Variants in VWA8 observed in about 807,000 individuals in gnomAD.
The protein encoded by VWA8 is von Willebrand factor A domain containing 8.
In VWA8, 221 loss-of-function variants were observed where a neutral mutation model predicts 241.5. That is an observed-to-expected ratio of 0.91 (90% CI 0.82 to 1.02). VWA8 has a LOEUF of 1.02. Among genes scored for constraint, VWA8 ranks in the 50% least tolerant of loss-of-function variants. The probability of loss-of-function intolerance (pLI) is 0.00; values close to 1 mark genes in which losing one functional copy is unlikely to be tolerated. For synonymous variants in VWA8, 852 were observed against 827.1 expected, an observed-to-expected ratio of 1.03 and a Z score of -0.52; for missense variants, 2,322 against 2,328.7, an observed-to-expected ratio of 1.00 and a Z score of 0.06.
chr13:41,683,061 T>C (rs888021672), intron 35 of VWA8, among the ~76,000 whole-genome samples: 6 of 152,118 alleles, frequency 3.9e-5, no homozygotes, highest in Admixed American at 2.0e-4. Context: ...TTTCATCATA[T>C]GATGCAAAAA....
rs187843680 is a variant in VWA8 at position 41,713,996 on chromosome 13, A to G, written c.3116+5595T>C. 2.9e-3 allele frequency among the ~76,000 whole-genome samples: 446 copies of G among 152,194 alleles called. 1 individual carries two copies. The highest frequency in any genetic ancestry group is 4.9e-3 in the Non-Finnish European group (334 of 67,918). On this transcript the variant is annotated intron_variant, in intron 26 of 44. Transcript: ENST00000379310. ...GACTCAAGAAAATAAAAATAATTAGAAAGAAATATTTTTCAGTGCATGAAA... is the reference window on the plus strand; with the variant it reads ...GACTCAAGAAAATAAAAATAATTAGGAAGAAATATTTTTCAGTGCATGAAA...
At chr13:41,893,380 G>T (rs1184228059) in intron 4 of VWA8, among the ~76,000 whole-genome samples, 1 of 150,186 alleles carries the variant, frequency 6.7e-6, no homozygotes, top group Non-Finnish European at 1.5e-5. Flanking sequence ...ATCATTTCAT[G>T]AATAATCCCT....
intron 9 of VWA8, among the ~76,000 whole-genome samples, chr13:41,876,368 A>G (rs1208810320): frequency 6.6e-6 from 1 of 151,936 alleles, no homozygotes; most frequent in African/African-American, 2.4e-5. Flanking sequence ...TTTCTCTCCT[A>G]ATCACCTCTC....
intron 42 of VWA8, among the ~76,000 whole-genome samples, chr13:41,583,588 A>G (rs1406035613): frequency 6.7e-6 from 1 of 149,118 alleles, no homozygotes; most frequent in Non-Finnish European, 1.5e-5. Flanking sequence ...GGCTGCAGTG[A>G]GCCGAGATCA....
At chr13:41,947,561 C>G (rs1407847824) in intron 2 of VWA8, among the ~76,000 whole-genome samples, 2 of 152,152 alleles carry the variant, frequency 1.3e-5, no homozygotes, top group African/African-American at 2.4e-5. Flanking sequence ...CAAACAATAA[C>G]AAGTGTTAGT....
At chr13:41,692,067 T>A (rs1198565013) in intron 30 of VWA8, 129 bp from the exon 31 acceptor site, 1 of 610,508 alleles carries the variant, frequency 1.6e-6, no homozygotes, top group Non-Finnish European at 2.9e-6. Flanking sequence ...AAACAAGCTA[T>A]CTATTTATCT....
At chr13:41,627,560 G>A (rs1343888610) in intron 37 of VWA8, among the ~76,000 whole-genome samples, 1 of 152,198 alleles carries the variant, frequency 6.6e-6, no homozygotes, top group Non-Finnish European at 1.5e-5. Flanking sequence ...GAGAAAGACT[G>A]TCCTTGCCAT....
chr13:41,882,014 G>A (rs551023758), intron 9 of VWA8, among the ~76,000 whole-genome samples: 5 of 150,230 alleles, frequency 3.3e-5, no homozygotes, highest in South Asian at 2.1e-4. Context: ...CAGATGGGGC[G>A]GCTTCCGGGC....
intron 5 of VWA8, among the ~76,000 whole-genome samples, chr13:41,889,095 A>G (rs1242711237): frequency 6.6e-6 from 1 of 152,194 alleles, no homozygotes; most frequent in Admixed American, 6.5e-5. Flanking sequence ...TATGAAACCA[A>G]TAACATTTTT....
intron 3 of VWA8, among the ~76,000 whole-genome samples, chr13:41,909,894 A>G (rs1337711385): frequency 6.6e-6 from 1 of 152,112 alleles, no homozygotes; most frequent in Non-Finnish European, 1.5e-5. Context: ...AATTATTCCT[A>G]TTTATTTTCT....
chr13:41,683,385 T>C (rs1236196798), intron 35 of VWA8, among the ~76,000 whole-genome samples: 1 of 152,182 alleles, frequency 6.6e-6, no homozygotes, highest in African/African-American at 2.4e-5. Flanking sequence ...ATTTATATAA[T>C]ATTCTGGTAA....
chr13:41,921,678 T>C (rs1373480799), intron 2 of VWA8, among the ~76,000 whole-genome samples: 1 of 152,154 alleles, frequency 6.6e-6, no homozygotes, highest in Admixed American at 6.5e-5. Flanking sequence ...TGAACTCCCA[T>C]TCACAATTGC....
At chr13:41,611,786 A>T (rs2044590931) in intron 38 of VWA8, 54 bp from the exon 39 acceptor site, 1 of 1,603,812 alleles carries the variant, frequency 6.2e-7, no homozygotes, top group Admixed American at 1.7e-5. Context: ...ACCACAGAAC[A>T]AAAGTTGGGT....
intron 37 of VWA8, among the ~76,000 whole-genome samples, chr13:41,634,718 A>C (rs1168198231): frequency 3.9e-5 from 6 of 152,092 alleles, no homozygotes; most frequent in Non-Finnish European, 7.4e-5. Flanking sequence ...GAAAAAAAAA[A>C]CAGACTAAAT....
Position 41,671,166 on chromosome 13 carries a change from G to A in VWA8, c.4410-19C>T, listed in dbSNP as rs770422637. 2.9e-5 allele frequency: 47 copies of A among 1,612,994 alleles called. No individual in the cohort carries two copies. The highest frequency in any genetic ancestry group is 3.9e-5 in the Non-Finnish European group (46 of 1,179,344). ...TTCTGATCTGGAAAAAGGAATCCAAGTGAAGCTAAGAGACCACAAAAATAA... is the reference window on the plus strand; with the variant it reads ...TTCTGATCTGGAAAAAGGAATCCAAATGAAGCTAAGAGACCACAAAAATAA... On this transcript the variant is annotated intron_variant, in intron 36 of 44. Coordinates refer to ENST00000379310, the MANE Select transcript of VWA8 (RefSeq NM_015058.2).
At chr13:41,883,817 T>C (rs1874382716) in intron 8 of VWA8, among the ~76,000 whole-genome samples, 1 of 152,184 alleles carries the variant, frequency 6.6e-6, no homozygotes, top group Non-Finnish European at 1.5e-5. Flanking sequence ...GAATATCCCA[T>C]AGACCCCCAT....
chr13:41,640,183 G>A (rs767318985), intron 37 of VWA8, among the ~76,000 whole-genome samples: 8 of 152,182 alleles, frequency 5.3e-5, no homozygotes, highest in African/African-American at 1.7e-4. Context: ...ATGGAAAAGT[G>A]ACCTTTGAGT....
Position 41,695,872 on chromosome 13 carries a change from T to C in VWA8, c.3565-2900A>G, listed in dbSNP as rs1176414421. ...TTAATCAGCAATGTTACCAAATAAT[T>C]GGATCTTTTGAGGAAATAAAACTCT... On this transcript the variant is annotated intron_variant, in intron 29 of 44. Transcript: ENST00000379310. Among the ~76,000 whole-genome samples the C allele has an allele frequency of 2.6e-5, 4 of 152,214 alleles. No homozygotes were observed. In the East Asian group the frequency reaches 7.7e-4, roughly 29 times the overall value.
intron 42 of VWA8, among the ~76,000 whole-genome samples, chr13:41,585,172 T>C (rs933228993): frequency 2.6e-5 from 4 of 152,204 alleles, no homozygotes; most frequent in African/African-American, 9.6e-5. Context: ...TCATTAATAG[T>C]TCTTCCATAT....
Sources: allele counts gnomAD v4.1 joint callset (sites outside exome capture counted in the v4.1 genomes callset), GRCh38; gene constraint gnomAD v4.1.1; transcripts MANE v1.5; gene names NCBI Gene and HGNC (gene_info 2026-07-23, HGNC 2026-07-21).